ZNF420: variants seen among roughly 807,000 people sequenced by gnomAD.
The protein encoded by ZNF420 is zinc finger protein 420.
In ZNF420, 31 loss-of-function variants were observed where a neutral mutation model predicts 44.7. The observed-to-expected ratio is 0.69, with a 90% CI of 0.52 to 0.94. The LOEUF (loss-of-function observed/expected upper bound fraction) is 0.94, where lower values mean the gene tolerates loss of function less well. ZNF420 is among the 40% of genes least tolerant of loss of function. The pLI, the probability that ZNF420 is intolerant of heterozygous loss-of-function variation, is 0.00. For synonymous variants in ZNF420, 245 were observed against 267.4 expected, an observed-to-expected ratio of 0.92 and a Z score of 0.82; for missense variants, 681 against 827.9, an observed-to-expected ratio of 0.82 and a Z score of 2.18.
intron 4 of ZNF420, among the ~76,000 whole-genome samples, chr19:37,110,173 A>G (rs1392134109): frequency 1.3e-5 from 2 of 152,254 alleles, no homozygotes; most frequent in Non-Finnish European, 1.5e-5. Context: ...CAGGTTGTCC[A>G]TATGAAATGT....
At chr19:37,118,939 A>G (rs1287401245) in intron 4 of ZNF420, among the ~76,000 whole-genome samples, 1 of 152,250 alleles carries the variant, frequency 6.6e-6, no homozygotes, top group Admixed American at 6.5e-5. Context: ...ATATATATGC[A>G]TCCGATACAG....
At chr19:37,022,878 C>T (rs2074660102) in intron 1 of ZNF420, among the ~76,000 whole-genome samples, 1 of 152,194 alleles carries the variant, frequency 6.6e-6, no homozygotes, top group Non-Finnish European at 1.5e-5. Context: ...TGGCTCACGC[C>T]TGTAATCCCA....
At chr19:37,085,479 T>C (rs1968704889) in intron 2 of ZNF420, among the ~76,000 whole-genome samples, 1 of 152,140 alleles carries the variant, frequency 6.6e-6, no homozygotes. Context: ...AGGGGAAAGG[T>C]GGCCTCCCCG....
chr19:37,101,064 T>C (rs1324086003), intron 4 of ZNF420, among the ~76,000 whole-genome samples: 1 of 151,850 alleles, frequency 6.6e-6, no homozygotes, highest in Admixed American at 6.6e-5. Flanking sequence ...TGTTGGCCTA[T>C]GGAAATGCTA....
At chr19:37,086,772 A>C (rs1968811719) in intron 2 of ZNF420, among the ~76,000 whole-genome samples, 1 of 152,212 alleles carries the variant, frequency 6.6e-6, no homozygotes, top group Non-Finnish European at 1.5e-5. Flanking sequence ...TAATATAGGC[A>C]TACAAGCTTT....
At chr19:37,012,486 G>T (rs1159982481) in intron 1 of ZNF420, among the ~76,000 whole-genome samples, 1 of 152,208 alleles carries the variant, frequency 6.6e-6, no homozygotes, top group Non-Finnish European at 1.5e-5. Context: ...GTGTCAACAG[G>T]ATGGTCTGCG....
rs1169680180 is a variant in ZNF420 at position 37,088,739 on chromosome 19, A to T, written c.-80-300A>T. Among the ~76,000 whole-genome samples the T allele has an allele frequency of 2.0e-5, 3 of 152,204 alleles. No homozygotes were observed. The East Asian group carries it at 5.8e-4, about 29-fold the overall frequency. On this transcript the variant is annotated intron_variant, in intron 2 of 4. Transcript: ENST00000337995. ...GTGCCTTCTAATGTAGTTGTGTATG[A>T]TCATAAATATATTGAAATATTAAGT...
intron 4 of ZNF420, among the ~76,000 whole-genome samples, chr19:37,118,952 G>A (rs1156554123): frequency 6.6e-6 from 1 of 152,164 alleles, no homozygotes; most frequent in African/African-American, 2.4e-5. Flanking sequence ...CGATACAGGA[G>A]CACCCAGATT....
intron 4 of ZNF420, chr19:37,111,431 C>G (rs940422913): frequency 6.6e-6 from 1 of 152,118 alleles, no homozygotes; most frequent in African/African-American, 2.4e-5. Flanking sequence ...TGTGCCTTTT[C>G]TTATTTCTAT....
At chr19:37,042,837 T>C (rs1967479924) in intron 1 of ZNF420, among the ~76,000 whole-genome samples, 1 of 152,226 alleles carries the variant, frequency 6.6e-6, no homozygotes, top group Non-Finnish European at 1.5e-5. Context: ...GCCTAATCGT[T>C]TCTTGGTGTT....
intron 1 of ZNF420, among the ~76,000 whole-genome samples, chr19:37,013,869 A>G (rs188036100): frequency 1.3e-5 from 2 of 152,290 alleles, no homozygotes; most frequent in Non-Finnish European, 2.9e-5. Flanking sequence ...GGTGGAGCAA[A>G]TGCGACCACA....
chr19:37,060,708 T>TG (rs1350938522), intron 1 of ZNF420, among the ~76,000 whole-genome samples: 3 of 151,892 alleles, frequency 2.0e-5, no homozygotes, highest in South Asian at 2.1e-4. Flanking sequence ...ACCTCATGTG[T>TG]GGGGGGGATT....
upstream of ZNF420, chr19:37,075,318 T>G (rs1345906650): frequency 6.6e-6 from 1 of 152,196 alleles, no homozygotes; most frequent in Non-Finnish European, 1.5e-5. Context: ...AAGGTGTAAG[T>G]TTTTCTGGAT....
At chr19:37,041,246 G>T (rs1967446870) in intron 1 of ZNF420, among the ~76,000 whole-genome samples, 1 of 151,524 alleles carries the variant, frequency 6.6e-6, no homozygotes, top group African/African-American at 2.4e-5. Flanking sequence ...AGGAGGCGGA[G>T]GTTGCAGTGA....
At chr19:37,123,161 C>T (rs1971149747) in intron 4 of ZNF420, among the ~76,000 whole-genome samples, 1 of 152,212 alleles carries the variant, frequency 6.6e-6, no homozygotes, top group African/African-American at 2.4e-5. Context: ...ACCTCACTTC[C>T]TCCACCCTTA....
In ZNF420 at chr19:37,065,218, A is replaced by T. The variant is rs539787059; in HGVS notation, c.-124-15127A>T. On this transcript the variant is annotated intron_variant, in intron 1 of 4. Transcript: ENST00000587029. ...ATGAGCCCTGGATTCTATCCAAGCC[A>T]CAAGGGATTTTATGCCCTGGGCTTA... is the stretch of plus-strand genomic sequence containing the variant. Among the ~76,000 whole-genome samples the T allele has an allele frequency of 5.3e-5, 8 of 152,320 alleles. No individual in the cohort carries two copies. In the East Asian group the frequency reaches 1.5e-3, roughly 29 times the overall value.
At chr19:37,068,372 G>A (rs1968003794) in intron 1 of ZNF420, among the ~76,000 whole-genome samples, 1 of 152,198 alleles carries the variant, frequency 6.6e-6, no homozygotes, top group African/African-American at 2.4e-5. Flanking sequence ...GGGCGCGGTG[G>A]CTCATGCCTG....
chr19:37,070,703 A>G (rs575759627), intron 1 of ZNF420, among the ~76,000 whole-genome samples: 3 of 152,344 alleles, frequency 2.0e-5, no homozygotes, highest in African/African-American at 7.2e-5. Flanking sequence ...ATGAGATTCT[A>G]CTGCATATAC....
rs1971578103 is a variant in ZNF420 at position 37,130,031 on chromosome 19, T to C, written c.*973T>C. The C allele has an allele frequency of 2.6e-5, 40 of 1,533,196 alleles. No homozygotes were observed. Among genetic ancestry groups the C allele is most frequent in the Non-Finnish European group, 3.5e-5 (40 of 1,138,284 alleles). The allele number at this position is 1,533,196 out of a possible 1,614,324, so 95.0% of individuals were successfully genotyped here. On this transcript the variant is annotated 3_prime_UTR_variant, in exon 5 of 5. Coordinates refer to ENST00000337995, the MANE Select transcript of ZNF420 (RefSeq NM_144689.5). ...TAGTAACAAATTTCTGGGCTGAAAA[T>C]CTCAGCCTTCCTTGCAGGTCAACAA...
Sources: allele counts gnomAD v4.1 joint callset (sites outside exome capture counted in the v4.1 genomes callset), GRCh38; gene constraint gnomAD v4.1.1; transcripts MANE v1.5; gene names NCBI Gene and HGNC (gene_info 2026-07-23, HGNC 2026-07-21).